Variants in PDXDC1 observed in about 807,000 individuals in gnomAD.
The protein encoded by PDXDC1 is pyridoxal dependent decarboxylase domain containing 1.
A neutral mutation model predicts 100.1 loss-of-function variants in PDXDC1; 42 were observed. The observed-to-expected ratio is 0.42, with a 90% confidence interval of 0.33 to 0.54. The LOEUF is 0.54. PDXDC1 is among the 20% of genes least tolerant of loss of function. PDXDC1 has a pLI of 0.10. For synonymous variants in PDXDC1, 260 were observed against 371.7 expected (o/e 0.70, Z 3.46); for missense variants, 636 against 979.2 (o/e 0.65, Z 4.68).
chr16:15,124,630 G>A (rs1169405192), intron 16 of PDXDC1, among the ~76,000 whole-genome samples: 1 of 149,822 alleles, frequency 6.7e-6, no homozygotes, highest in East Asian at 2.0e-4. Context: ...AAATTAGCCG[G>A]GTGCGGTGGT....
At chr16:15,092,999 T>A (rs2046197191) in intron 16 of PDXDC1, among the ~76,000 whole-genome samples, 1 of 152,168 alleles carries the variant, frequency 6.6e-6, no homozygotes, top group Non-Finnish European at 1.5e-5. Context: ...CCCAAATCTC[T>A]ACGTGGCTGG....
chr16:15,027,424 G>A (rs1372130111), intron 14 of PDXDC1, among the ~76,000 whole-genome samples: 3 of 152,284 alleles, frequency 2.0e-5, no homozygotes, highest in Non-Finnish European at 4.4e-5. Context: ...TTAGCCGTCT[G>A]TAGGCAGCTT....
intron 16 of PDXDC1, chr16:15,137,546 A>T: frequency 8.5e-7 from 1 of 1,175,526 alleles, no homozygotes; most frequent in Non-Finnish European, 1.2e-6. Flanking sequence ...CTCACCTAGA[A>T]GAGGCAGCCA....
chr16:15,084,618 C>G (rs760366048), intron 16 of PDXDC1: 1 of 1,517,076 alleles, frequency 6.6e-7, no homozygotes, highest in Non-Finnish European at 9.1e-7. Context: ...ATTAAACATT[C>G]AAAATAAGGA....
At chr16:15,109,720 C>G (rs1259352708) in intron 16 of PDXDC1, among the ~76,000 whole-genome samples, 31 of 126,130 alleles carry the variant, frequency 2.5e-4, no homozygotes, top group Non-Finnish European at 4.2e-4. Flanking sequence ...AATGTGGCGG[C>G]ACACACCTGT....
intron 16 of PDXDC1, chr16:15,104,653 G>C (rs2046720176): frequency 1.3e-6 from 2 of 1,598,004 alleles, no homozygotes; most frequent in Non-Finnish European, 8.5e-7. Flanking sequence ...TGTTGAGTTG[G>C]AGGAGGTGGC....
rs185647112 is a variant in PDXDC1, at chr16:15,104,499, C to T, written c.1400-34380C>T. ...CGGGAGGTGTCTTGAGATTATCATC[C>T]GCTGAGGGTGGAGCTGAGGGTGGAA... On this transcript the variant is annotated intron_variant, in intron 16 of 16. Coordinates refer to the PDXDC1 transcript ENST00000535621. 36 of 1,449,200 alleles carry T rather than the reference C, an allele frequency of 2.5e-5. No individual in the cohort carries two copies. In the African/African-American group the frequency reaches 3.8e-4, roughly 15 times the overall value. 89.8% of individuals were successfully genotyped at this position (1,449,200 alleles called of 1,614,324 possible).
chr16:14,990,456 T>TA (rs1970518984), intron 1 of PDXDC1, among the ~76,000 whole-genome samples: 2 of 152,418 alleles, frequency 1.3e-5, no homozygotes, highest in East Asian at 3.9e-4. Flanking sequence ...AAGAAAGTGG[T>TA]AGCTGCCCCC....
At chr16:15,005,202 C>A (rs1445347820) in intron 5 of PDXDC1, among the ~76,000 whole-genome samples, 3 of 151,226 alleles carry the variant, frequency 2.0e-5, no homozygotes, top group African/African-American at 4.9e-5. Flanking sequence ...ACTAAAAATA[C>A]AAAAAAATTA....
At chr16:15,032,471 T>C (rs916910716) in intron 17 of PDXDC1, 52 of 176,068 alleles carry the variant, frequency 3.0e-4, no homozygotes, top group Middle Eastern at 2.9e-3. Flanking sequence ...CTGGACAACA[T>C]GGCGAAACCC....
At chr16:15,122,927 G>A (rs1469650747) in intron 16 of PDXDC1, among the ~76,000 whole-genome samples, 2 of 149,918 alleles carry the variant, frequency 1.3e-5, no homozygotes, top group African/African-American at 4.9e-5. Context: ...AGGAGGAGGA[G>A]AAGAAGAAAG....
intron 1 of PDXDC1, among the ~76,000 whole-genome samples, chr16:14,986,092 A>G (rs1324098896): frequency 6.6e-6 from 1 of 152,244 alleles, no homozygotes; most frequent in Non-Finnish European, 1.5e-5. Context: ...GAGCGAGGTC[A>G]TGTCTCAAAA....
chr16:15,020,286 C>G (rs530144099), intron 12 of PDXDC1, among the ~76,000 whole-genome samples: 22 of 152,406 alleles, frequency 1.4e-4, no homozygotes, highest in Admixed American at 1.4e-3. Context: ...ACAGGTAGAG[C>G]TCTTGCAGTA....
chr16:15,144,753 C>T, the PDXDC1 span, among the ~76,000 whole-genome samples: 31 of 152,224 alleles, frequency 2.0e-4, no homozygotes, highest in Admixed American at 1.0e-3. Context: ...GGAGGCTGAA[C>T]GAGGGAGATG....
chr16:15,127,835 C>T (rs201429838), intron 16 of PDXDC1: 247 of 1,563,842 alleles, frequency 1.6e-4, no homozygotes, highest in Admixed American at 8.4e-4. Flanking sequence ...ATGTGCTTGT[C>T]AAAGAAGCCG....
chr16:14,981,295 C>G (rs1967922341), intron 1 of PDXDC1, among the ~76,000 whole-genome samples: 1 of 152,400 alleles, frequency 6.6e-6, no homozygotes, highest in African/African-American at 2.4e-5. Context: ...TTTGATCGCT[C>G]CCTAACAATC....
chr16:15,072,889 G>A lies in PDXDC1; in HGVS notation c.1399+42833G>A, dbSNP rs2045296684. Reference sequence around the variant, plus strand: ...TGGTCTCCGTCCACCCCAGTTTTTAGGGAAAATTTTTGGGCAAAAACAAAG... The same window carrying A: ...TGGTCTCCGTCCACCCCAGTTTTTAAGGAAAATTTTTGGGCAAAAACAAAG... On this transcript the variant is annotated intron_variant, in intron 16 of 16. Coordinates refer to the PDXDC1 transcript ENST00000535621. 1.9e-6 allele frequency: 3 copies of A among 1,576,198 alleles called. No homozygotes were observed. The Admixed American group carries it at 5.4e-5, about 28-fold the overall frequency.
At chr16:15,119,488 G>A (rs1204973364) in intron 16 of PDXDC1, among the ~76,000 whole-genome samples, 1 of 148,130 alleles carries the variant, frequency 6.8e-6, no homozygotes, top group Non-Finnish European at 1.5e-5. Flanking sequence ...GTGCAATCTC[G>A]GCTCGCTGCA....
intron 16 of PDXDC1, among the ~76,000 whole-genome samples, chr16:15,099,653 C>T (rs1421497347): frequency 2.0e-5 from 3 of 151,550 alleles, no homozygotes; most frequent in Non-Finnish European, 4.4e-5. Context: ...CCTCCCCCTC[C>T]AAAAAGAGAA....
Sources: allele counts gnomAD v4.1 joint callset (sites outside exome capture counted in the v4.1 genomes callset), GRCh38; gene constraint gnomAD v4.1.1; transcripts MANE v1.5; gene names NCBI Gene and HGNC (gene_info 2026-07-23, HGNC 2026-07-21).